CLDN16: variants seen among roughly 807,000 people sequenced by gnomAD.
CLDN16 encodes the protein claudin 16.
Under a neutral mutation model 24.6 loss-of-function variants are expected in CLDN16, and 13 were observed. The ratio of observed to expected loss-of-function variants is 0.53; its 90% confidence interval spans 0.34 to 0.84. The LOEUF (loss-of-function observed/expected upper bound fraction) is 0.84, where lower values mean the gene tolerates loss of function less well. Among genes scored for constraint, CLDN16 ranks in the 40% least tolerant of loss-of-function variants. The probability of loss-of-function intolerance (pLI) is 0.01; values close to 1 mark genes in which losing one functional copy is unlikely to be tolerated. For synonymous variants in CLDN16, 116 were observed against 106.7 expected (o/e 1.09, Z -0.54); for missense variants, 298 against 292.7 (o/e 1.02, Z -0.13).
chr3:190,334,491 A>G (rs1182447534), intron 1 of CLDN16, among the ~76,000 whole-genome samples: 3 of 152,178 alleles, frequency 2.0e-5, no homozygotes, highest in East Asian at 1.9e-4. Flanking sequence ...GCACTGGACA[A>G]TTTTTTGTGT....
chr3:190,377,022 G>A (rs1001485263), intron 3 of CLDN16, among the ~76,000 whole-genome samples: 1 of 151,950 alleles, frequency 6.6e-6, no homozygotes, highest in African/African-American at 2.4e-5. Context: ...AGTGCTGAAG[G>A]AGTGAGGAAA....
chr3:190,384,011 C>A (rs1718428979), upstream of CLDN16, among the ~76,000 whole-genome samples: 1 of 152,094 alleles, frequency 6.6e-6, no homozygotes, highest in African/African-American at 2.4e-5. Context: ...AAGAAGGCAG[C>A]CTCAGAAATG....
chr3:190,301,509 G>A, the CLDN16 span, among the ~76,000 whole-genome samples: 1 of 151,544 alleles, frequency 6.6e-6, no homozygotes, highest in East Asian at 1.9e-4. Context: ...AAAAGAAGAA[G>A]AAGAAGAAGG....
At chr3:190,301,258 A>G in the CLDN16 span, among the ~76,000 whole-genome samples, 1 of 151,932 alleles carries the variant, frequency 6.6e-6, no homozygotes, top group Non-Finnish European at 1.5e-5. Flanking sequence ...ACTTTGGGAG[A>G]CTGAGGTGGA....
chr3:190,312,801 C>T, the CLDN16 span: 109 of 1,541,716 alleles, frequency 7.1e-5, no homozygotes, highest in Admixed American at 1.3e-4. Flanking sequence ...TATAATGAAT[C>T]CAACGTAATA....
chr3:190,360,891 T>C (rs1717873298), intron 1 of CLDN16, among the ~76,000 whole-genome samples: 1 of 151,984 alleles, frequency 6.6e-6, no homozygotes, highest in African/African-American at 2.4e-5. Context: ...CAGAGAACTT[T>C]ACAAAAACAT....
At chr3:190,407,322 T>G (rs1199496746) in intron 3 of CLDN16, among the ~76,000 whole-genome samples, 1 of 152,010 alleles carries the variant, frequency 6.6e-6, no homozygotes, top group Non-Finnish European at 1.5e-5. Context: ...TAGGATCCAG[T>G]TATTTGGGTG....
At chr3:190,378,505 CT>C (rs2108651554) in intron 3 of CLDN16, among the ~76,000 whole-genome samples, 1 of 152,120 alleles carries the variant, frequency 6.6e-6, no homozygotes, top group African/African-American at 2.4e-5. Flanking sequence ...AATGAAGTGA[CT>C]TGCTTCATCG....
At position 190,410,419 on chromosome 3, in the gene CLDN16, G is replaced by C. The variant is rs575561257; in HGVS notation, c.*383G>C. 6.0e-6 allele frequency: 1 copy of C among 167,076 alleles called. No individual in the cohort carries two copies. Among genetic ancestry groups the C allele is most frequent in the East Asian group, 1.7e-4 (1 of 5,958 alleles). 10.3% of individuals were successfully genotyped at this position (167,076 alleles called of 1,614,324 possible). On this transcript the variant is annotated 3_prime_UTR_variant, in exon 5 of 5. Transcript: ENST00000264734. ...GGACCCTAATCTTTGAAGAGATGAA[G>C]AAACTTACTTTTCTCCCTGGCTTTT...
intron 1 of CLDN16, among the ~76,000 whole-genome samples, chr3:190,342,446 C>G (rs1246471515): frequency 6.6e-6 from 1 of 151,870 alleles, no homozygotes; most frequent in Non-Finnish European, 1.5e-5. Context: ...AAACAGAAAG[C>G]AAAAAGACAA....
At chr3:190,313,027 T>C in the CLDN16 span, 1 of 1,614,150 alleles carries the variant, frequency 6.2e-7, no homozygotes, top group East Asian at 2.2e-5. Flanking sequence ...ACGGGTTGCT[T>C]GCAATGTGCC....
At chr3:190,387,978 T>A, upstream of CLDN16, 1 of 751,150 alleles carries the variant, frequency 1.3e-6, no homozygotes, top group Non-Finnish European at 2.3e-6. Context: ...TCCCCCGTCT[T>A]GGCACTGGCA....
At chr3:190,300,746 G>A in the CLDN16 span, among the ~76,000 whole-genome samples, 1 of 152,198 alleles carries the variant, frequency 6.6e-6, no homozygotes, top group Admixed American at 6.5e-5. Context: ...GCTTTTGCAA[G>A]TCTAACTCTG....
At chr3:190,353,780 C>T (rs1717714539) in intron 1 of CLDN16, among the ~76,000 whole-genome samples, 2 of 152,050 alleles carry the variant, frequency 1.3e-5, no homozygotes, top group Admixed American at 1.3e-4. Context: ...GACAGCCCTC[C>T]TTGTCTCATG....
intron 4 of CLDN16, among the ~76,000 whole-genome samples, chr3:190,408,801 C>T (rs1009077685): frequency 6.8e-6 from 1 of 147,006 alleles, no homozygotes; most frequent in Non-Finnish European, 1.5e-5. Context: ...CACACATATA[C>T]ATACCGTATA....
upstream of CLDN16, chr3:190,322,451 A>C (rs1051185515): frequency 3.6e-6 from 2 of 560,394 alleles, no homozygotes; most frequent in Non-Finnish European, 3.2e-6. Context: ...TGAGACGCAG[A>C]ACCGCTGGGC....
the CLDN16 span, among the ~76,000 whole-genome samples, chr3:190,298,215 G>A: frequency 6.6e-6 from 1 of 151,912 alleles, no homozygotes; most frequent in African/African-American, 2.4e-5. Context: ...GGACTAGAAC[G>A]TTACCAACAA....
chr3:190,350,530 G>A (rs1474665868), intron 1 of CLDN16, among the ~76,000 whole-genome samples: 1 of 152,078 alleles, frequency 6.6e-6, no homozygotes, highest in Non-Finnish European at 1.5e-5. Context: ...AAGAGAACAT[G>A]CAAAGGTCAT....
At chr3:190,408,198 G>A in intron 3 of CLDN16, 116 bp from the exon 4 acceptor site, 1 of 1,000,872 alleles carries the variant, frequency 1.0e-6, no homozygotes, top group Non-Finnish European at 1.6e-6. Flanking sequence ...ATGAATCCAT[G>A]TTACTGTTTT....
Sources: allele counts gnomAD v4.1 joint callset (sites outside exome capture counted in the v4.1 genomes callset), GRCh38; gene constraint gnomAD v4.1.1; transcripts MANE v1.5; gene names NCBI Gene and HGNC (gene_info 2026-07-23, HGNC 2026-07-21).